The following MXI1 variants were observed in gnomAD, a reference collection of about 807,000 sequenced individuals.
MXI1 encodes MAX interactor 1, dimerization protein, also known as max-interacting protein 1.
MXI1 carries 18 observed loss-of-function variants against 36.9 expected under a neutral mutation model. The observed-to-expected ratio is 0.49, with a 90% CI of 0.34 to 0.72. The LOEUF is 0.72. Ranked by LOEUF, MXI1 falls within the 30% of genes least tolerant of loss-of-function variation. The probability of loss-of-function intolerance (pLI) is 0.01; values close to 1 mark genes in which losing one functional copy is unlikely to be tolerated. For synonymous variants in MXI1, 160 were observed against 146.7 expected, an observed-to-expected ratio of 1.09 and a Z score of -0.65; for missense variants, 304 against 379.1, an observed-to-expected ratio of 0.80 and a Z score of 1.64.
At chr10:110,216,419 A>C (rs1413789829) in intron 1 of MXI1, among the ~76,000 whole-genome samples, 1 of 152,110 alleles carries the variant, frequency 6.6e-6, no homozygotes, top group Non-Finnish European at 1.5e-5. Context: ...CCTTGCCCTC[A>C]TGGAGTGTAT....
In MXI1 at chr10:110,228,292, C is replaced by A. The variant is rs1171370718; in HGVS notation, c.378C>A (p.Ser126Arg). The change falls in exon 2 of 6, where the codon AGC (serine) becomes AGA (arginine). Residue 126 changes from serine to arginine, a missense_variant. Physicochemically the swap from Ser to Arg is moderately radical, Grantham distance 110. Transcript: ENST00000332674. ...RRLSRAQKHS[S>R]GSSNTSTANR... ...TGAGCCGGGCACAGAAACACAGCAG[C>A]GGGAGCAGCAACACCAGCACTGCCA... 1.2e-6 allele frequency: 2 copies of A among 1,613,982 alleles called. No homozygotes were observed. The highest frequency in any genetic ancestry group is 1.7e-6 in the Non-Finnish European group (2 of 1,180,040).
intron 2 of MXI1, among the ~76,000 whole-genome samples, chr10:110,232,922 T>C (rs965602824): frequency 6.6e-6 from 1 of 152,240 alleles, no homozygotes; most frequent in Non-Finnish European, 1.5e-5. Flanking sequence ...TGAAGAACAT[T>C]CAGTGTCATC....
rs910294063 is a variant in MXI1 at position 110,269,899 on chromosome 10, A to G, written c.438-9281A>G. Among the ~76,000 whole-genome samples, 8 of 152,182 alleles carry G rather than the reference A, an allele frequency of 5.3e-5. 1 individual carries two copies. The highest frequency in any genetic ancestry group is 4.6e-4 in the Admixed American group (7 of 15,278). ...CCCCTTGGTACCATTAAATCAGCCAATGGGGGCTGCCAGAATAGAGATGAA... is the reference window on the plus strand; with the variant it reads ...CCCCTTGGTACCATTAAATCAGCCAGTGGGGGCTGCCAGAATAGAGATGAA... On this transcript the variant is annotated intron_variant, in intron 3 of 5. Transcript: ENST00000332674.
chr10:110,259,521 A>C (rs1249765501), intron 3 of MXI1, among the ~76,000 whole-genome samples: 3 of 152,118 alleles, frequency 2.0e-5, no homozygotes, highest in Non-Finnish European at 2.9e-5. Flanking sequence ...GCACAATTCA[A>C]ATACTTTTTC....
intron 1 of MXI1, among the ~76,000 whole-genome samples, chr10:110,220,567 G>A (rs1444246812): frequency 6.6e-6 from 1 of 152,216 alleles, no homozygotes; most frequent in Non-Finnish European, 1.5e-5. Context: ...AAAGGGTGGT[G>A]ATGCCAAGGG....
intron 1 of MXI1, among the ~76,000 whole-genome samples, chr10:110,215,024 C>T (rs75673649): frequency 0.023 from 3,168 of 137,764 alleles, 167 homozygotes; most frequent in African/African-American, 0.079. Flanking sequence ...CTTTCTGCTC[C>T]ACTTCAGTTT....
chr10:110,231,587 A>G (rs191525392), intron 2 of MXI1, among the ~76,000 whole-genome samples: 2 of 152,328 alleles, frequency 1.3e-5, no homozygotes, highest in East Asian at 3.9e-4. Flanking sequence ...AGTGGCACCT[A>G]TAATATATAA....
Position 110,287,221 on chromosome 10 carries a change from CT to C in MXI1, c.*2235del, listed in dbSNP as rs966388657. 1.3e-5 allele frequency: 2 copies of C among 152,230 alleles called. No individual in the cohort carries two copies. Among genetic ancestry groups the C allele is most frequent in the Admixed American group, 6.5e-5 (1 of 15,288 alleles). 9.4% of individuals were successfully genotyped at this position (152,230 alleles called of 1,614,324 possible). ...TATAAACCTATAGTGCACATTTTAACTGCCCCCTAAATTACCCTTCCCTGGG... is the reference window on the plus strand; with the variant it reads ...TATAAACCTATAGTGCACATTTTAACGCCCCCTAAATTACCCTTCCCTGGG... On this transcript the variant is annotated 3_prime_UTR_variant, in exon 6 of 6. Coordinates refer to ENST00000332674, the MANE Select transcript of MXI1 (RefSeq NM_130439.3).
At chr10:110,282,630 G>A (rs1857295019) in intron 5 of MXI1, among the ~76,000 whole-genome samples, 1 of 152,092 alleles carries the variant, frequency 6.6e-6, no homozygotes, top group Non-Finnish European at 1.5e-5. Context: ...TCAGAGAGGA[G>A]GGTGTATTTT....
At chr10:110,227,313 G>A (rs12774613) in intron 1 of MXI1, 171,120 of 959,650 alleles carry the variant, frequency 0.18, 16,417 homozygotes, top group African/African-American at 0.3. Flanking sequence ...GGCGGGTGCG[G>A]GGAGGGGCGC....
chr10:110,212,755 G>T (rs1028291466), intron 1 of MXI1, among the ~76,000 whole-genome samples: 19 of 152,126 alleles, frequency 1.2e-4, no homozygotes, highest in African/African-American at 4.6e-4. Flanking sequence ...ACTCAATGAG[G>T]CACTGCACTT....
intron 3 of MXI1, among the ~76,000 whole-genome samples, chr10:110,254,249 T>C (rs58452254): frequency 0.088 from 13,432 of 152,162 alleles, 1,107 homozygotes; most frequent in East Asian, 0.29. Flanking sequence ...TTTCATACGT[T>C]ACGATGATCT....
In MXI1 at chr10:110,232,249, C is replaced by T. The variant is rs144533257; in HGVS notation, c.407+3928C>T. 4.0e-3 allele frequency among the ~76,000 whole-genome samples: 612 copies of T among 152,248 alleles called. 3 individuals carry two copies. The highest frequency in any genetic ancestry group is 0.014 in the African/African-American group (588 of 41,550). Reference sequence around the variant, plus strand: ...TGCTGGGATTACAGGTGTGACCCACCGCACTTGGCCAGTTCTTATGAATTA... The same window carrying T: ...TGCTGGGATTACAGGTGTGACCCACTGCACTTGGCCAGTTCTTATGAATTA... On this transcript the variant is annotated intron_variant, in intron 2 of 5. Transcript: ENST00000332674.
chr10:110,222,674 C>A (rs1854847535), intron 1 of MXI1, among the ~76,000 whole-genome samples: 1 of 152,164 alleles, frequency 6.6e-6, no homozygotes, highest in Non-Finnish European at 1.5e-5. Flanking sequence ...GGTAGGATTC[C>A]AGGTTCTTAT....
intron 1 of MXI1, chr10:110,227,637 G>A: frequency 2.4e-6 from 2 of 834,748 alleles, no homozygotes; most frequent in Non-Finnish European, 2.9e-6. Flanking sequence ...GAAAACCGGT[G>A]GAGAGGGGCC....
At chr10:110,277,870 T>C (rs1041994393) in intron 3 of MXI1, among the ~76,000 whole-genome samples, 1 of 152,236 alleles carries the variant, frequency 6.6e-6, no homozygotes. Context: ...TGCCTTCTCC[T>C]ACCTCTCTTT....
intron 3 of MXI1, among the ~76,000 whole-genome samples, chr10:110,264,627 G>A (rs1022039640): frequency 2.0e-5 from 3 of 152,042 alleles, no homozygotes; most frequent in African/African-American, 7.2e-5. Context: ...GCCTCCCAAA[G>A]TGCTGGGATG....
chr10:110,246,728 G>T (rs716595), intron 3 of MXI1, among the ~76,000 whole-genome samples: 2 of 152,094 alleles, frequency 1.3e-5, no homozygotes, highest in Admixed American at 6.6e-5. Context: ...GGATAAAACT[G>T]GAACTCAAAG....
At chr10:110,273,082 C>G (rs1856909573) in intron 3 of MXI1, among the ~76,000 whole-genome samples, 1 of 132,296 alleles carries the variant, frequency 7.6e-6, no homozygotes, top group African/African-American at 2.8e-5. Flanking sequence ...GAGTCTCGCT[C>G]TGTCACCCTG....
Sources: gnomAD v4.1 joint callset for allele counts (sites outside exome capture counted in the v4.1 genomes callset) on GRCh38, gnomAD v4.1.1 for gene constraint, MANE v1.5 for transcripts, NCBI Gene and HGNC (gene_info 2026-07-23, HGNC 2026-07-21) for gene names.